Variants in ZBTB7C observed in about 807,000 individuals in gnomAD.
The protein encoded by ZBTB7C is zinc finger and BTB domain containing 7C.
ZBTB7C carries 8 observed loss-of-function variants against 25.7 expected under a neutral mutation model. That is an observed-to-expected ratio of 0.31 (90% CI 0.18 to 0.56). The LOEUF is 0.56. Ranked by LOEUF, ZBTB7C falls within the 20% of genes least tolerant of loss-of-function variation. The probability of loss-of-function intolerance (pLI) is 0.91; values close to 1 mark genes in which losing one functional copy is unlikely to be tolerated. For synonymous variants in ZBTB7C, 394 were observed against 369.0 expected, an observed-to-expected ratio of 1.07 and a Z score of -0.78; for missense variants, 824 against 855.2, an observed-to-expected ratio of 0.96 and a Z score of 0.46.
intron 1 of ZBTB7C, among the ~76,000 whole-genome samples, chr18:48,394,387 A>G (rs2047972063): frequency 6.6e-6 from 1 of 152,216 alleles, no homozygotes; most frequent in Admixed American, 6.5e-5. Flanking sequence ...CCTCATTCAC[A>G]GCGCTCAGCT....
chr18:48,227,257 C>T (rs1568315951), intron 2 of ZBTB7C, among the ~76,000 whole-genome samples: 1 of 152,160 alleles, frequency 6.6e-6, no homozygotes, highest in Non-Finnish European at 1.5e-5. Context: ...CCACTGTGTC[C>T]ACCAGGAATG....
intron 2 of ZBTB7C, among the ~76,000 whole-genome samples, chr18:48,239,305 C>T (rs1481473712): frequency 6.6e-6 from 1 of 152,128 alleles, no homozygotes; most frequent in Non-Finnish European, 1.5e-5. Context: ...CTAAGAAACC[C>T]GAATACTTAT....
intron 2 of ZBTB7C, among the ~76,000 whole-genome samples, chr18:48,298,163 C>T (rs970015454): frequency 1.3e-5 from 2 of 151,968 alleles, no homozygotes; most frequent in African/African-American, 4.8e-5. Context: ...GCTTGTAGTC[C>T]CAGCTACTCG....
At chr18:48,408,373 ACGCAGTTC>A (rs1449140923) in intron 1 of ZBTB7C, 1 of 152,240 alleles carries the variant, frequency 6.6e-6, no homozygotes, top group Non-Finnish European at 1.5e-5. Flanking sequence ...GAGAAGACGC[ACGCAGTTC>A]CCGTGCGTGT....
chr18:48,352,636 C>T (rs2046891311), intron 1 of ZBTB7C, among the ~76,000 whole-genome samples: 1 of 151,982 alleles, frequency 6.6e-6, no homozygotes. Flanking sequence ...GTGGGCAGTC[C>T]ATGGGCAGCC....
chr18:48,135,634 T>C (rs1189239851), intron 3 of ZBTB7C, among the ~76,000 whole-genome samples: 1 of 151,786 alleles, frequency 6.6e-6, no homozygotes, highest in Non-Finnish European at 1.5e-5. Flanking sequence ...CCAGCGGGGG[T>C]TCCTGAGCCT....
At chr18:48,320,579 A>G (rs1464584202) in intron 2 of ZBTB7C, among the ~76,000 whole-genome samples, 2 of 152,204 alleles carry the variant, frequency 1.3e-5, no homozygotes, top group African/African-American at 4.8e-5. Flanking sequence ...CCCGGATATC[A>G]TGATGACACA....
chr18:48,233,053 G>C (rs907823180), intron 2 of ZBTB7C, among the ~76,000 whole-genome samples: 1 of 152,146 alleles, frequency 6.6e-6, no homozygotes, highest in Non-Finnish European at 1.5e-5. Context: ...GTCATGGCTT[G>C]AATATGTCCC....
chr18:48,386,848 A>G (rs1004183048), intron 1 of ZBTB7C, among the ~76,000 whole-genome samples: 2 of 152,212 alleles, frequency 1.3e-5, no homozygotes, highest in Non-Finnish European at 2.9e-5. Flanking sequence ...TGCGCTTTCT[A>G]TCTTCCCAAG....
At position 48,139,383 on chromosome 18, in the gene ZBTB7C, C is replaced by T. The variant is rs150822708; in HGVS notation, c.-17+46551G>A. On this transcript the variant is annotated intron_variant, in intron 3 of 4. Transcript: ENST00000590800. ...AGCACCTTTTCAAACCCAGCTGGAG[C>T]GGGATGTGGGAGGGAAGCTGTAGGG... Among the ~76,000 whole-genome samples, 1,108 of 152,066 alleles carry T rather than the reference C, an allele frequency of 7.3e-3. 9 individuals carry two copies. Among genetic ancestry groups the T allele is most frequent in the Non-Finnish European group, 0.011 (720 of 67,956 alleles).
At chr18:48,259,982 C>G (rs904882145) in intron 2 of ZBTB7C, among the ~76,000 whole-genome samples, 2 of 152,160 alleles carry the variant, frequency 1.3e-5, no homozygotes, top group African/African-American at 4.8e-5. Flanking sequence ...GATATACTAC[C>G]ACACAGTCCA....
At chr18:48,310,162 G>A (rs1412272000) in intron 2 of ZBTB7C, among the ~76,000 whole-genome samples, 2 of 151,780 alleles carry the variant, frequency 1.3e-5, no homozygotes, top group Non-Finnish European at 2.9e-5. Flanking sequence ...CCCAGGAGGC[G>A]GAACTTGCAG....
chr18:48,179,365 TGGG>T (rs1380091862), intron 3 of ZBTB7C, among the ~76,000 whole-genome samples: 1 of 152,126 alleles, frequency 6.6e-6, no homozygotes, highest in Non-Finnish European at 1.5e-5. Context: ...GCATGTCACT[TGGG>T]GGCCTTCCAG....
intron 2 of ZBTB7C, among the ~76,000 whole-genome samples, chr18:48,206,671 A>G (rs559055417): frequency 6.6e-6 from 1 of 152,280 alleles, no homozygotes; most frequent in African/African-American, 2.4e-5. Context: ...ACAAACAAAC[A>G]AATAAATAAA....
At chr18:48,127,020 G>T (rs1346868790) in intron 3 of ZBTB7C, among the ~76,000 whole-genome samples, 2 of 152,172 alleles carry the variant, frequency 1.3e-5, no homozygotes, top group African/African-American at 4.8e-5. Context: ...CTCAGTGAAG[G>T]TTCTGTGTAA....
chr18:48,365,700 A>G (rs372177645), intron 1 of ZBTB7C, among the ~76,000 whole-genome samples: 10 of 145,850 alleles, frequency 6.9e-5, no homozygotes, highest in South Asian at 2.1e-4. Context: ...TAGCCCACAG[A>G]AAAAAAAAAT....
intron 2 of ZBTB7C, among the ~76,000 whole-genome samples, chr18:48,280,660 C>A (rs940233088): frequency 1.3e-5 from 2 of 152,054 alleles, no homozygotes; most frequent in Non-Finnish European, 2.9e-5. Flanking sequence ...ATCCTAGACA[C>A]AAGGGTCTAT....
chr18:48,259,942 A>C (rs935202510), intron 2 of ZBTB7C, among the ~76,000 whole-genome samples: 3 of 152,242 alleles, frequency 2.0e-5, no homozygotes, highest in African/African-American at 7.2e-5. Context: ...TATTTTGGTA[A>C]GTAGTTTGGC....
chr18:48,334,065 G>A (rs891418869), intron 2 of ZBTB7C, among the ~76,000 whole-genome samples: 3 of 152,138 alleles, frequency 2.0e-5, no homozygotes, highest in African/African-American at 7.2e-5. Flanking sequence ...ATCCTCACCA[G>A]ACCCAAGCCA....
Sources: gnomAD v4.1 joint callset for allele counts (sites outside exome capture counted in the v4.1 genomes callset) on GRCh38, gnomAD v4.1.1 for gene constraint, MANE v1.5 for transcripts, NCBI Gene and HGNC (gene_info 2026-07-23, HGNC 2026-07-21) for gene names.